RIC3: variants seen among roughly 807,000 people sequenced by gnomAD.
RIC3 encodes RIC3 acetylcholine receptor chaperone, also known as protein RIC-3.
RIC3 carries 28 observed loss-of-function variants against 27.3 expected under a neutral mutation model. The observed-to-expected ratio is 1.02, with a 90% CI of 0.76 to 1.41. The LOEUF (loss-of-function observed/expected upper bound fraction) is 1.41. Among genes scored for constraint, RIC3 ranks in the 40% most tolerant of loss-of-function variants. The probability of loss-of-function intolerance (pLI) is 0.00; values close to 1 mark genes in which losing one functional copy is unlikely to be tolerated. For missense variants in RIC3, 501 were observed against 444.7 expected (o/e 1.13, Z -1.14); for synonymous variants, 184 against 160.4 (o/e 1.15, Z -1.11).
chr11:8,108,142 C>T lies in RIC3; in HGVS notation c.*2556G>A, dbSNP rs1475766481. On this transcript the variant is annotated 3_prime_UTR_variant, in exon 6 of 6. Coordinates refer to ENST00000309737, the MANE Select transcript of RIC3 (RefSeq NM_001206671.4). ...AGGGCAGGAAGAACCACCATAAGGG[C>T]TTAGTACTTCTGGCAGGAATTTCCA... 1 of 152,198 alleles carries T rather than the reference C, an allele frequency of 6.6e-6. No individual in the cohort carries two copies. Among genetic ancestry groups the T allele is most frequent in the African/African-American group, 2.4e-5 (1 of 41,436 alleles). 9.4% of individuals were successfully genotyped at this position (152,198 alleles called of 1,614,324 possible). A position where few individuals can be genotyped will look rare whatever the true frequency, so the allele number is the denominator to read the frequency against.
chr11:8,113,028 C>T lies in RIC3; in HGVS notation c.671-1891G>A, dbSNP rs184602689. ...TATAAAGACTGTCCATCTTATGACA[C>T]CCTCACCAGCACTCACAGTAGTATG... is the stretch of plus-strand genomic sequence containing the variant. On this transcript the variant is annotated intron_variant, in intron 5 of 5. Transcript: ENST00000309737. Among the ~76,000 whole-genome samples the T allele has an allele frequency of 6.8e-3, 1,043 of 152,312 alleles. 10 individuals are homozygous for T. Among genetic ancestry groups the T allele is most frequent in the Non-Finnish European group, 9.1e-3 (617 of 68,034 alleles).
chr11:8,105,669 A>G (rs555267957), downstream of RIC3: 7 of 152,132 alleles, frequency 4.6e-5, no homozygotes, highest in Non-Finnish European at 8.8e-5. Flanking sequence ...GGGTGAATGA[A>G]AATTATTCCT....
chr11:8,141,633 AACAAGG>A (rs1949083898), intron 1 of RIC3, among the ~76,000 whole-genome samples: 2 of 151,892 alleles, frequency 1.3e-5, no homozygotes, highest in Admixed American at 1.3e-4. Context: ...ACAGAAAGTC[AACAAGG>A]ATACCCAGGA....
Position 8,109,209 on chromosome 11 carries a change from A to T in RIC3, c.*1489T>A, listed in dbSNP as rs1944986281. 6.6e-6 allele frequency: 1 copy of T among 152,206 alleles called. No homozygotes were observed. 9.4% of individuals were successfully genotyped at this position (152,206 alleles called of 1,614,324 possible). ...GTCTGTATGCTGATGTATAATTTTA[A>T]ACTGTTTTCCTGGCACCTTATTCAT... is the stretch of plus-strand genomic sequence containing the variant. On this transcript the variant is annotated 3_prime_UTR_variant, in exon 6 of 6. Coordinates refer to ENST00000309737, the MANE Select transcript of RIC3 (RefSeq NM_001206671.4).
intron 1 of RIC3, among the ~76,000 whole-genome samples, chr11:8,145,696 T>TC (rs1419668121): frequency 1.3e-5 from 2 of 151,612 alleles, no homozygotes; most frequent in Non-Finnish European, 2.9e-5. Context: ...ATTTTTTTTT[T>TC]CTCCATCAAG....
intron 3 of RIC3, among the ~76,000 whole-genome samples, chr11:8,137,813 A>G (rs1457659630): frequency 2.0e-5 from 3 of 152,202 alleles, no homozygotes; most frequent in Non-Finnish European, 2.9e-5. Context: ...TCTAGTCTAT[A>G]AATTCTTGAG....
chr11:8,148,190 T>C (rs1949904914), intron 1 of RIC3, among the ~76,000 whole-genome samples: 1 of 152,164 alleles, frequency 6.6e-6, no homozygotes, highest in Admixed American at 6.5e-5. Flanking sequence ...CTTTAAATGA[T>C]ATGGAAAATT....
intron 4 of RIC3, 112 bp downstream of exon 4, chr11:8,137,266 C>T (rs774276376): frequency 1.1e-4 from 91 of 820,632 alleles, no homozygotes; most frequent in Non-Finnish European, 1.5e-4. Flanking sequence ...TCAGATGATC[C>T]ACCCACCTCG....
intron 4 of RIC3, among the ~76,000 whole-genome samples, chr11:8,128,688 A>C (rs1175522954): frequency 1.7e-5 from 2 of 121,152 alleles, no homozygotes; most frequent in East Asian, 4.8e-4. Flanking sequence ...ACCATCCATT[A>C]TTTTCTTCCA....
intron 4 of RIC3, among the ~76,000 whole-genome samples, chr11:8,132,640 T>G (rs1590189403): frequency 6.6e-6 from 1 of 152,234 alleles, no homozygotes; most frequent in East Asian, 1.9e-4. Context: ...ATCAAAAACT[T>G]TCCCCATATT....
chr11:8,126,746 T>G lies in RIC3; in HGVS notation c.583A>C (p.Thr195Pro). 6.2e-7 allele frequency: 1 copy of G among 1,614,052 alleles called. No homozygotes were observed. Among genetic ancestry groups the G allele is most frequent in the East Asian group, 2.2e-5 (1 of 44,880 alleles). The change falls in exon 5 of 6, where the codon ACC becomes CCC. Residue 195 changes from threonine (T) to proline (P), a missense_variant. By Grantham distance (38) the Thr-to-Pro change is conservative. Transcript: ENST00000309737. ...KRLLHQLREI[T>P]RVMKEGKFID... ...AATTTTCCTTCTTTCATGACCCTGG[T>G]GATTTCTCGGAGCTGATGTAGCAAC... is the stretch of plus-strand genomic sequence containing the variant.
At chr11:8,131,469 T>C (rs1350174501) in intron 4 of RIC3, among the ~76,000 whole-genome samples, 1 of 152,196 alleles carries the variant, frequency 6.6e-6, no homozygotes, top group African/African-American at 2.4e-5. Context: ...ATTCAACAGA[T>C]ATTTATTATA....
At chr11:8,095,645 G>A in the RIC3 span, 74 of 1,604,360 alleles carry the variant, frequency 4.6e-5, no homozygotes, top group Admixed American at 1.7e-4. Flanking sequence ...CAGGATCTCC[G>A]TGCCACGATG....
At chr11:8,160,510 G>A (rs905755001) in intron 1 of RIC3, among the ~76,000 whole-genome samples, 4 of 152,030 alleles carry the variant, frequency 2.6e-5, no homozygotes, top group Admixed American at 6.5e-5. Context: ...AATGCAACAA[G>A]GAAAACTACA....
rs1409251197 is a variant in RIC3, at chr11:8,111,517, A to G, written c.671-380T>C. ...ACAGCACAGCTCCAGGCTAATGTTT[A>G]TAATTTCTATTTGGAACAATTTCCA... On this transcript the variant is annotated intron_variant, in intron 5 of 5. Transcript: ENST00000309737. 3.3e-5 allele frequency among the ~76,000 whole-genome samples: 5 copies of G among 152,248 alleles called. No homozygotes were observed. In the East Asian group the frequency reaches 7.7e-4, roughly 23 times the overall value.
At chr11:8,103,349 T>C (rs964187600), downstream of RIC3, 1 of 152,264 alleles carries the variant, frequency 6.6e-6, no homozygotes, top group African/African-American at 2.4e-5. Context: ...GCAGGGGTCG[T>C]ACCTTGCTTT....
At chr11:8,142,800 CCA>C (rs1056003347) in intron 1 of RIC3, among the ~76,000 whole-genome samples, 1 of 99,884 alleles carries the variant, frequency 1.0e-5, no homozygotes, top group Non-Finnish European at 1.8e-5. Context: ...CAAAACGAAT[CCA>C]GCAGCACATC....
Position 8,109,429 on chromosome 11 carries a change from C to T in RIC3, c.*1269G>A, listed in dbSNP as rs969287373. ...TGCTATCTTGTCTCAAGAAGACACA[C>T]GTCAGATGCAGTAAGGAGAAAAGGC... On this transcript the variant is annotated 3_prime_UTR_variant, in exon 6 of 6. Coordinates refer to ENST00000309737, the MANE Select transcript of RIC3 (RefSeq NM_001206671.4). 6 of 151,996 alleles carry T rather than the reference C, an allele frequency of 3.9e-5. No homozygotes were observed. Among genetic ancestry groups the T allele is most frequent in the African/African-American group, 1.2e-4 (5 of 41,346 alleles). The allele number at this position is 151,996 out of a possible 1,614,324, so 9.4% of individuals were successfully genotyped here. A position where few individuals can be genotyped will look rare whatever the true frequency, so the allele number is the denominator to read the frequency against.
chr11:8,122,227 A>G (rs1457020624), intron 5 of RIC3, among the ~76,000 whole-genome samples: 1 of 152,152 alleles, frequency 6.6e-6, no homozygotes, highest in Non-Finnish European at 1.5e-5. Context: ...TTGCCCTTTC[A>G]TGGCACACTC....
Sources: gnomAD v4.1 joint callset for allele counts (sites outside exome capture counted in the v4.1 genomes callset) on GRCh38, gnomAD v4.1.1 for gene constraint, MANE v1.5 for transcripts, NCBI Gene and HGNC (gene_info 2026-07-23, HGNC 2026-07-21) for gene names.